MTFR1: variants seen among roughly 807,000 people sequenced by gnomAD.
MTFR1 encodes mitochondrial fission regulator 1.
In MTFR1, 28 loss-of-function variants were observed where a neutral mutation model predicts 38.8. The observed-to-expected ratio is 0.72, with a 90% CI of 0.53 to 0.99. The LOEUF is 0.99. Among genes scored for constraint, MTFR1 ranks in the 50% least tolerant of loss-of-function variants. The pLI is 0.00. For missense variants in MTFR1, 358 were observed against 395.5 expected (o/e 0.91, Z 0.81); for synonymous variants, 145 against 137.0 (o/e 1.06, Z -0.41).
intron 1 of MTFR1, among the ~76,000 whole-genome samples, chr8:65,649,540 G>T (rs1168226543): frequency 2.0e-5 from 3 of 152,048 alleles, no homozygotes; most frequent in Admixed American, 2.0e-4. Flanking sequence ...TATTTATGGG[G>T]TACGTGAGAT....
chr8:65,742,578 A>T (rs1807491459), intron 3 of MTFR1, among the ~76,000 whole-genome samples: 1 of 152,220 alleles, frequency 6.6e-6, no homozygotes, highest in African/African-American at 2.4e-5. Flanking sequence ...ATCAATAAGC[A>T]AGAAGGGAAA....
chr8:65,736,058 C>T (rs533757514), intron 3 of MTFR1, among the ~76,000 whole-genome samples: 1 of 152,292 alleles, frequency 6.6e-6, no homozygotes, highest in South Asian at 2.1e-4. Flanking sequence ...TTTTCCTATA[C>T]AAACACACCT....
intron 1 of MTFR1, among the ~76,000 whole-genome samples, chr8:65,664,610 GTTTTTTTTTT>G (rs766902728): frequency 7.7e-6 from 1 of 129,786 alleles, no homozygotes; most frequent in East Asian, 2.2e-4. Flanking sequence ...GTTTTCCTTT[GTTTTTTTTTT>G]TTTTTTTTCT....
intron 3 of MTFR1, among the ~76,000 whole-genome samples, chr8:65,746,728 T>G (rs1807693612): frequency 6.6e-6 from 1 of 152,180 alleles, no homozygotes; most frequent in Non-Finnish European, 1.5e-5. Flanking sequence ...ACAAATGACA[T>G]AGAGATCAAT....
chr8:65,659,282 G>C (rs1809347276), intron 1 of MTFR1, among the ~76,000 whole-genome samples: 3 of 151,748 alleles, frequency 2.0e-5, no homozygotes, highest in Admixed American at 6.6e-5. Context: ...AAATGCTCTA[G>C]GAATAAATTC....
chr8:65,708,844 A>T, intron 7 of MTFR1, 132 bp from the exon 8 acceptor site: 1 of 772,134 alleles, frequency 1.3e-6, no homozygotes, highest in Non-Finnish European at 2.2e-6. Context: ...TAAAGGTTTT[A>T]ATATTCCCAG....
intron 3 of MTFR1, among the ~76,000 whole-genome samples, chr8:65,744,208 TACAAAACAAAACAAA>T (rs140231902): frequency 9.2e-5 from 14 of 151,484 alleles, no homozygotes; most frequent in Non-Finnish European, 1.6e-4. Flanking sequence ...TTAGTTGTGT[TACAAAACAAAACAAA>T]ACAAAACAAA....
chr8:65,749,340 CT>C (rs1318078665), intron 3 of MTFR1, among the ~76,000 whole-genome samples: 1 of 152,114 alleles, frequency 6.6e-6, no homozygotes, highest in Non-Finnish European at 1.5e-5. Context: ...CTGATGAACT[CT>C]GAGGTTCCCA....
At chr8:65,711,726 A>C (rs1805953380), downstream of MTFR1, among the ~76,000 whole-genome samples, 2 of 152,212 alleles carry the variant, frequency 1.3e-5, no homozygotes, top group Admixed American at 1.3e-4. Flanking sequence ...AGCATAACCA[A>C]GTAAGGATCT....
At chr8:65,755,944 T>A (rs1808220799) in intron 3 of MTFR1, among the ~76,000 whole-genome samples, 1 of 152,202 alleles carries the variant, frequency 6.6e-6, no homozygotes, top group African/African-American at 2.4e-5. Context: ...GTAGGACAGG[T>A]CTACTGGTAA....
At position 65,724,125 on chromosome 8, in the gene MTFR1, T is replaced by C. The variant is rs1010491727; in HGVS notation, c.*48+4644T>C. 7 of 588,452 alleles carry C rather than the reference T, an allele frequency of 1.2e-5. No individual in the cohort carries two copies. The African/African-American group carries it at 1.3e-4, about 11-fold the overall frequency. 36.5% of individuals were successfully genotyped at this position (588,452 alleles called of 1,614,324 possible). ...TTTGTATTGATTAGATGTATATCTATTGTGAATTGTTACTAAAAATGTCAA... is the reference window on the plus strand; with the variant it reads ...TTTGTATTGATTAGATGTATATCTACTGTGAATTGTTACTAAAAATGTCAA... On this transcript the variant is annotated intron_variant, in intron 3 of 3. Transcript: ENST00000521247.
chr8:65,650,869 G>C (rs1435849792), intron 1 of MTFR1, among the ~76,000 whole-genome samples: 7 of 152,086 alleles, frequency 4.6e-5, no homozygotes, highest in Admixed American at 2.0e-4. Context: ...GTTTTTTGAG[G>C]AACCTCCAAA....
intron 1 of MTFR1, among the ~76,000 whole-genome samples, chr8:65,648,931 C>T (rs1418467180): frequency 6.6e-6 from 1 of 152,028 alleles, no homozygotes; most frequent in Non-Finnish European, 1.5e-5. Context: ...ACCTCCCTCC[C>T]TTGGTTACTT....
chr8:65,707,823 T>C lies in MTFR1; in HGVS notation c.765-20T>C. The C allele has an allele frequency of 6.2e-7, 1 of 1,610,930 alleles. No homozygotes were observed. The highest frequency in any genetic ancestry group is 8.5e-7 in the Non-Finnish European group (1 of 1,178,242). ...CCAGTGTATTGATCTGTCCCCTTGG[T>C]TTGTGTTCACTTCTCTAAGGTCAGA... On this transcript the variant is annotated intron_variant, in intron 6 of 7. Coordinates refer to ENST00000262146, the MANE Select transcript of MTFR1 (RefSeq NM_014637.4).
chr8:65,761,781 C>T (rs1452925823), intron 3 of MTFR1, among the ~76,000 whole-genome samples: 1 of 152,186 alleles, frequency 6.6e-6, no homozygotes, highest in Non-Finnish European at 1.5e-5. Flanking sequence ...ATGTAAAAGA[C>T]ATGTTTTTCT....
chr8:65,678,156 A>G (rs994501562), intron 2 of MTFR1, among the ~76,000 whole-genome samples: 2 of 152,172 alleles, frequency 1.3e-5, no homozygotes, highest in African/African-American at 4.8e-5. Context: ...CTGACAAGAC[A>G]TAGTTCAGCC....
At chr8:65,728,886 T>C (rs1261858647) in intron 3 of MTFR1, among the ~76,000 whole-genome samples, 2 of 152,234 alleles carry the variant, frequency 1.3e-5, no homozygotes, top group South Asian at 2.1e-4. Flanking sequence ...CCATTAAAAA[T>C]AGGAACATGA....
chr8:65,768,457 A>C (rs1808911493), intron 3 of MTFR1, among the ~76,000 whole-genome samples: 1 of 152,130 alleles, frequency 6.6e-6, no homozygotes, highest in Admixed American at 6.5e-5. Context: ...TTCCCTGCAC[A>C]ACCTCTCTTG....
intron 2 of MTFR1, among the ~76,000 whole-genome samples, chr8:65,671,259 C>T (rs376643092): frequency 3.9e-5 from 6 of 152,054 alleles, no homozygotes; most frequent in African/African-American, 7.2e-5. Context: ...AGTGGCCAGT[C>T]GCAGTGCTCA....
Sources: allele counts gnomAD v4.1 joint callset (sites outside exome capture counted in the v4.1 genomes callset), GRCh38; gene constraint gnomAD v4.1.1; transcripts MANE v1.5; gene names NCBI Gene and HGNC (gene_info 2026-07-23, HGNC 2026-07-21).